Variants in LMO1 observed in about 807,000 individuals in gnomAD.
LMO1 encodes the protein LIM domain only 1.
LMO1 carries 10 observed loss-of-function variants against 18.0 expected under a neutral mutation model. The observed-to-expected ratio is 0.55, with a 90% CI of 0.34 to 0.94. LMO1 has a LOEUF of 0.94. Ranked by LOEUF, LMO1 falls within the 40% of genes least tolerant of loss-of-function variation. The probability of loss-of-function intolerance (pLI) is 0.02; values close to 1 mark genes in which losing one functional copy is unlikely to be tolerated. For missense variants in LMO1, 183 were observed against 205.7 expected, an observed-to-expected ratio of 0.89 and a Z score of 0.68; for synonymous variants, 77 against 77.9, an observed-to-expected ratio of 0.99 and a Z score of 0.06.
chr11:8,266,221 G>A (rs1254711383), upstream of LMO1, among the ~76,000 whole-genome samples: 1 of 152,224 alleles, frequency 6.6e-6, no homozygotes, highest in Non-Finnish European at 1.5e-5. Context: ...TTCACAGCAA[G>A]TCTTGGAGGG....
chr11:8,245,515 T>A (rs1484459128), intron 1 of LMO1, among the ~76,000 whole-genome samples: 1 of 152,158 alleles, frequency 6.6e-6, no homozygotes, highest in South Asian at 2.1e-4. Context: ...ACAGAAGCCC[T>A]TGAGGTGAGC....
chr11:8,254,949 C>T (rs1373831183), intron 1 of LMO1, among the ~76,000 whole-genome samples: 1 of 152,164 alleles, frequency 6.6e-6, no homozygotes, highest in East Asian at 1.9e-4. Context: ...GTAATAGTAG[C>T]TTCTTCCTAA....
At chr11:8,230,024 C>T (rs183564051) in intron 2 of LMO1, among the ~76,000 whole-genome samples, 36 of 152,294 alleles carry the variant, frequency 2.4e-4, no homozygotes, top group African/African-American at 8.2e-4. Flanking sequence ...CTGGGGCCCT[C>T]GGAAAGCTTA....
At chr11:8,252,887 C>T (rs76245205) in intron 1 of LMO1, among the ~76,000 whole-genome samples, 4,968 of 152,346 alleles carry the variant, frequency 0.033, 115 homozygotes, top group Middle Eastern at 0.061. Flanking sequence ...TTGTTTCTAG[C>T]TGCTAATTTT....
chr11:8,240,952 T>C (rs1365782334), intron 1 of LMO1, among the ~76,000 whole-genome samples: 1 of 152,172 alleles, frequency 6.6e-6, no homozygotes, highest in African/African-American at 2.4e-5. Flanking sequence ...CATCAGAAGC[T>C]GCATGTGCTC....
chr11:8,227,917 C>G (rs1952577350), intron 2 of LMO1, among the ~76,000 whole-genome samples: 2 of 152,344 alleles, frequency 1.3e-5, no homozygotes, highest in East Asian at 3.9e-4. Flanking sequence ...GATCCTCCTG[C>G]CTTGGCCTCC....
At chr11:8,231,424 C>T (rs566477129) in intron 1 of LMO1, among the ~76,000 whole-genome samples, 1 of 152,372 alleles carries the variant, frequency 6.6e-6, no homozygotes, top group East Asian at 1.9e-4. Flanking sequence ...GCACGGGTTC[C>T]TAGTCCCTTC....
At chr11:8,257,145 T>G (rs1172752372) in intron 1 of LMO1, among the ~76,000 whole-genome samples, 1 of 151,994 alleles carries the variant, frequency 6.6e-6, no homozygotes, top group Non-Finnish European at 1.5e-5. Flanking sequence ...GAACTCAGAG[T>G]TGGGAACAGA....
In LMO1 at chr11:8,225,513, C is replaced by T. The variant is rs545371769; in HGVS notation, c.366-792G>A. 4.0e-5 allele frequency among the ~76,000 whole-genome samples: 6 copies of T among 150,516 alleles called. No individual in the cohort carries two copies. In the South Asian group the frequency reaches 1.3e-3, roughly 32 times the overall value. On this transcript the variant is annotated intron_variant, in intron 3 of 3. Coordinates refer to ENST00000335790, the MANE Select transcript of LMO1 (RefSeq NM_002315.3). ...CCCTCTCCCCAATTTAAGAGGATGG[C>T]TCAGTACAGGGCATTCTTCCTCTAA...
intron 1 of LMO1, among the ~76,000 whole-genome samples, chr11:8,249,502 A>G (rs1326266977): frequency 1.3e-5 from 2 of 152,232 alleles, no homozygotes; most frequent in African/African-American, 2.4e-5. Flanking sequence ...CGTTGTACAC[A>G]TGGACATAAA....
At chr11:8,265,350 C>T (rs1565190809), upstream of LMO1, among the ~76,000 whole-genome samples, 1 of 152,096 alleles carries the variant, frequency 6.6e-6, no homozygotes, top group Non-Finnish European at 1.5e-5. Flanking sequence ...TGAAGGAGAC[C>T]TGGAGGCTAG....
intron 1 of LMO1, among the ~76,000 whole-genome samples, chr11:8,248,166 A>G (rs555687877): frequency 6.6e-6 from 1 of 152,358 alleles, no homozygotes; most frequent in African/African-American, 2.4e-5. Context: ...CCAAGTCAAA[A>G]GACAGCTACC....
Position 8,224,620 on chromosome 11 carries a change from T to G in LMO1, c.467A>C (p.Gln156Pro), listed in dbSNP as rs532003034. 1 of 1,599,236 alleles carries G rather than the reference T, an allele frequency of 6.3e-7. No homozygotes were observed. The highest frequency in any genetic ancestry group is 8.5e-7 in the Non-Finnish European group (1 of 1,170,498). Residue 156 changes from glutamine to proline, a missense_variant, in exon 4 of 4, where the codon CAG (glutamine) becomes CCG (proline). Physicochemically the swap from Gln to Pro is moderately conservative, Grantham distance 76. Transcript: ENST00000335790. ...QLNGTFESQV[Q>P] is the part of the protein sequence containing the mutation. Reference sequence around the variant, plus strand: ...CTGGAGGCCAGGCGCCGGGCGTTACTGAACTTGGGATTCAAAGGTGCCATT... The same window carrying G: ...CTGGAGGCCAGGCGCCGGGCGTTACGGAACTTGGGATTCAAAGGTGCCATT...
chr11:8,252,626 C>T (rs568648254), intron 1 of LMO1, among the ~76,000 whole-genome samples: 28 of 152,392 alleles, frequency 1.8e-4, no homozygotes, highest in African/African-American at 6.0e-4. Flanking sequence ...AGGAAGCAGG[C>T]AGCCACGTTG....
intron 2 of LMO1, among the ~76,000 whole-genome samples, chr11:8,229,049 T>C (rs1433440160): frequency 1.3e-5 from 2 of 150,138 alleles, no homozygotes; most frequent in Non-Finnish European, 2.9e-5. Flanking sequence ...CCACTACACC[T>C]GGCTAATTTT....
At chr11:8,268,177 T>C (rs1170963631), upstream of LMO1, among the ~76,000 whole-genome samples, 2 of 152,206 alleles carry the variant, frequency 1.3e-5, no homozygotes, top group Non-Finnish European at 2.9e-5. Flanking sequence ...GGCGGCCTCG[T>C]TGGGACCGGG....
At chr11:8,235,598 TGTC>T (rs921706554) in intron 1 of LMO1, among the ~76,000 whole-genome samples, 28 of 152,348 alleles carry the variant, frequency 1.8e-4, no homozygotes, top group African/African-American at 6.7e-4. Flanking sequence ...CGCATTCAGT[TGTC>T]AAGTTTAGTC....
intron 3 of LMO1, 40 bp downstream of exon 3, chr11:8,226,935 C>A: frequency 6.3e-7 from 1 of 1,584,300 alleles, no homozygotes; most frequent in Non-Finnish European, 8.6e-7. Flanking sequence ...CTCAGGCTGG[C>A]GTCTGGGGAG....
chr11:8,224,774 G>A (rs189196527), intron 3 of LMO1, 53 bp from the exon 4 acceptor site: 5 of 1,239,068 alleles, frequency 4.0e-6, no homozygotes, highest in African/African-American at 3.0e-5. Flanking sequence ...AGTGGGTAAG[G>A]GGGGGGCTGC....
Sources: allele counts gnomAD v4.1 joint callset (sites outside exome capture counted in the v4.1 genomes callset), GRCh38; gene constraint gnomAD v4.1.1; transcripts MANE v1.5; gene names NCBI Gene and HGNC (gene_info 2026-07-23, HGNC 2026-07-21).